The following B4GALT4 variants were observed in gnomAD, a reference collection of about 807,000 sequenced individuals.
B4GALT4 encodes beta-1,4-galactosyltransferase 4, also known as N-acetyllactosamine synthase.
A neutral mutation model predicts 37.3 loss-of-function variants in B4GALT4; 27 were observed. That is an observed-to-expected ratio of 0.72 (90% CI 0.53 to 1.00). The LOEUF (loss-of-function observed/expected upper bound fraction) is 1.00, where lower values mean the gene tolerates loss of function less well. Among genes scored for constraint, B4GALT4 ranks in the 50% least tolerant of loss-of-function variants. B4GALT4 has a pLI of 0.00. For synonymous variants in B4GALT4, 148 were observed against 154.1 expected, an observed-to-expected ratio of 0.96 and a Z score of 0.29; for missense variants, 372 against 413.1, an observed-to-expected ratio of 0.90 and a Z score of 0.86.
At chr3:119,216,655 T>A (rs1461371308) in intron 6 of B4GALT4, among the ~76,000 whole-genome samples, 1 of 151,932 alleles carries the variant, frequency 6.6e-6, no homozygotes, top group Non-Finnish European at 1.5e-5. Context: ...GAAAAAAAAA[T>A]GATAAAGTAC....
chr3:119,240,308 C>T (rs1354181179), intron 1 of B4GALT4: 1 of 152,112 alleles, frequency 6.6e-6, no homozygotes, highest in Non-Finnish European at 1.5e-5. Flanking sequence ...GGATACAGAT[C>T]AACAAACACT....
intron 3 of B4GALT4, 82 bp from the exon 4 acceptor site, chr3:119,227,123 A>G: frequency 8.4e-7 from 1 of 1,195,438 alleles, no homozygotes; most frequent in Non-Finnish European, 1.2e-6. Context: ...ATGCATAGAA[A>G]GAACACTGCC....
intron 3 of B4GALT4, among the ~76,000 whole-genome samples, chr3:119,227,385 G>A (rs1455092222): frequency 6.6e-6 from 1 of 152,164 alleles, no homozygotes; most frequent in Non-Finnish European, 1.5e-5. Flanking sequence ...TTCAACTTTG[G>A]TCTATCCTCT....
chr3:119,240,602 G>C (rs2079127919), intron 1 of B4GALT4: 1 of 152,196 alleles, frequency 6.6e-6, no homozygotes, highest in Non-Finnish European at 1.5e-5. Context: ...GCCCGCAGCA[G>C]AGGCGGCGCC....
At position 119,212,049 on chromosome 3, in the gene B4GALT4, C is replaced by A. The variant is rs2078174985; in HGVS notation, c.*500G>T. The A allele has an allele frequency of 1.5e-6, 1 of 671,876 alleles. No homozygotes were observed. Among genetic ancestry groups the A allele is most frequent in the Non-Finnish European group, 2.7e-6 (1 of 368,580 alleles). The allele number at this position is 671,876 out of a possible 1,614,324, so 41.6% of individuals were successfully genotyped here. ...GTCCTGATTCGTCGCCTTTTCTCCC[C>A]TCTTTTGTGGACGCCTTCTCACCTG... On this transcript the variant is annotated 3_prime_UTR_variant, in exon 8 of 8. Coordinates refer to ENST00000393765, the MANE Select transcript of B4GALT4 (RefSeq NM_003778.4).
At chr3:119,223,333 G>C (rs1344542512) in intron 5 of B4GALT4, among the ~76,000 whole-genome samples, 1 of 152,230 alleles carries the variant, frequency 6.6e-6, no homozygotes, top group Non-Finnish European at 1.5e-5. Context: ...AGCAGGGCCT[G>C]GGGAAAGCTG....
chr3:119,224,667 TTTA>T (rs2078550178), intron 4 of B4GALT4, among the ~76,000 whole-genome samples: 1 of 152,022 alleles, frequency 6.6e-6, no homozygotes, highest in African/African-American at 2.4e-5. Context: ...TAGCAAAAAT[TTTA>T]AAAAGTTAAA....
At chr3:119,220,250 T>C (rs1484688157) in intron 5 of B4GALT4, among the ~76,000 whole-genome samples, 2 of 152,264 alleles carry the variant, frequency 1.3e-5, no homozygotes, top group African/African-American at 2.4e-5. Flanking sequence ...CTCATTACCA[T>C]AGTTATCAGA....
In B4GALT4 at chr3:119,212,556, C is replaced by T. The variant is rs72655939; in HGVS notation, c.1028G>A (p.Gly343Asp). The T allele has an allele frequency of 7.1e-4, 1,132 of 1,597,454 alleles. 9 individuals are homozygous for T. The African/African-American group carries it at 0.014, about 19-fold the overall frequency. The change falls in exon 8 of 8, where the codon GGT (glycine) becomes GAT (aspartate). Residue 343 changes from glycine (G) to aspartate (D), a missense_variant. Physicochemically the swap from Gly to Asp is moderately conservative, Grantham distance 94. Coordinates refer to ENST00000393765, the MANE Select transcript of B4GALT4 (RefSeq NM_003778.4). ...YINITVDFWF[G>D]A ...TCACCAAAAGACCCAGGGTCATGCA[C>T]CAAACCAGAAATCCACTGTGATGTT...
intron 5 of B4GALT4, among the ~76,000 whole-genome samples, chr3:119,220,377 A>C (rs756916408): frequency 3.3e-5 from 5 of 152,256 alleles, no homozygotes; most frequent in Non-Finnish European, 7.3e-5. Context: ...CATGAGAACA[A>C]GGGAATGATG....
intron 2 of B4GALT4, among the ~76,000 whole-genome samples, chr3:119,231,841 T>C (rs1432028652): frequency 6.8e-6 from 1 of 147,314 alleles, no homozygotes. Flanking sequence ...TTTATATTTT[T>C]AGAATTTTTA....
chr3:119,230,387 C>G (rs77391278), intron 2 of B4GALT4, 143 bp from the exon 3 acceptor site: 4,727 of 373,978 alleles, frequency 0.013, 183 homozygotes, highest in East Asian at 0.13. Flanking sequence ...TTTAGAGATT[C>G]GAAAACCAGA....
At position 119,227,048 on chromosome 3, in the gene B4GALT4, T is replaced by G; in HGVS notation, c.254-7A>C. ...ATGAGCTTGCTCTGGCCTCCTACAA[T>G]GAACATAGGACACAGACAATAACAG... On this transcript the variant is annotated splice_polypyrimidine_tract_variant and splice_region_variant and intron_variant, in intron 3 of 7. Transcript: ENST00000393765. 4 of 1,611,848 alleles carry G rather than the reference T, an allele frequency of 2.5e-6. No homozygotes were observed. In the East Asian group the frequency reaches 8.9e-5, roughly 36 times the overall value.
At chr3:119,214,676 C>G (rs1382830974) in intron 7 of B4GALT4, 1 of 152,168 alleles carries the variant, frequency 6.6e-6, no homozygotes, top group African/African-American at 2.4e-5. Context: ...TCTCTTTATT[C>G]TGCCTTTCCT....
chr3:119,223,909 T>C, intron 5 of B4GALT4, 149 bp downstream of exon 5: 1 of 696,702 alleles, frequency 1.4e-6, no homozygotes, highest in Non-Finnish European at 2.1e-6. Flanking sequence ...TTCTCTAACT[T>C]CTGTTTTGCA....
At position 119,212,619 on chromosome 3, in the gene B4GALT4, T is replaced by C. The variant is rs1553744355; in HGVS notation, c.965A>G (p.Tyr322Cys). Residue 322 changes from tyrosine (Y) to cysteine (C), a missense_variant, in exon 8 of 8, where the codon TAT (tyrosine) becomes TGT (cysteine). Coordinates refer to ENST00000393765, the MANE Select transcript of B4GALT4 (RefSeq NM_003778.4). ...WRTDGLSSCSYKLVSVEHNPL... is the reference protein window; with the variant it reads ...WRTDGLSSCSCKLVSVEHNPL... ...ATTGTGTTCCACAGATACTAATTTA[T>C]AAGAACAACTACTCAACCCATCTGT... 7 of 1,613,074 alleles carry C rather than the reference T, an allele frequency of 4.3e-6. No individual in the cohort carries two copies. Among genetic ancestry groups the C allele is most frequent in the Non-Finnish European group, 5.9e-6 (7 of 1,179,534 alleles).
At position 119,215,833 on chromosome 3, in the gene B4GALT4, TAAA is replaced by T. The variant is rs573969056; in HGVS notation, c.902+404_902+406del. ...TGATCTGATCAACTGGTTTTAAAAA[TAAA>T]AAAGTACTTAACACTGACTAGACAT... On this transcript the variant is annotated intron_variant, in intron 7 of 7. Coordinates refer to ENST00000393765, the MANE Select transcript of B4GALT4 (RefSeq NM_003778.4). 6.2e-3 allele frequency: 952 copies of T among 152,624 alleles called. 4 individuals are homozygous for T. Among genetic ancestry groups the T allele is most frequent in the Non-Finnish European group, 0.011 (738 of 68,234 alleles). The allele number at this position is 152,624 out of a possible 1,614,324, so 9.5% of individuals were successfully genotyped here. A position where few individuals can be genotyped will look rare whatever the true frequency, so the allele number is the denominator to read the frequency against.
intron 1 of B4GALT4, among the ~76,000 whole-genome samples, chr3:119,238,764 C>T (rs2107556318): frequency 6.6e-6 from 1 of 152,174 alleles, no homozygotes; most frequent in East Asian, 1.9e-4. Context: ...AACATATCCC[C>T]CAAGAATAAG....
In B4GALT4 at chr3:119,230,029, G is replaced by A; in HGVS notation, c.71C>T (p.Thr24Ile). 6.2e-7 allele frequency: 1 copy of A among 1,614,154 alleles called. No individual in the cohort carries two copies. The highest frequency in any genetic ancestry group is 1.1e-5 in the South Asian group (1 of 91,076). The change falls in exon 3 of 8, where the codon ACA (threonine) becomes ATA (isoleucine). Residue 24 changes from threonine to isoleucine, a missense_variant. Transcript: ENST00000393765. The stretch of plus-strand genomic sequence containing the variant: ...GTTACTGGTGGCCCACCCAACCACT[G>A]TCAGGCACAAAGTCAACAGCAACAG... ...RLLLLLTLCLTVVGWATSNYF... is the reference protein window; with the variant it reads ...RLLLLLTLCLIVVGWATSNYF...
Sources: allele counts gnomAD v4.1 joint callset (sites outside exome capture counted in the v4.1 genomes callset), GRCh38; gene constraint gnomAD v4.1.1; transcripts MANE v1.5; gene names NCBI Gene and HGNC (gene_info 2026-07-23, HGNC 2026-07-21).